DOT1L: variants seen among roughly 807,000 people sequenced by gnomAD.
DOT1L encodes the protein DOT1 like histone lysine methyltransferase, also known as histone-lysine N-methyltransferase, H3 lysine-79 specific.
In DOT1L, 33 loss-of-function variants were observed where a neutral mutation model predicts 153.3. That is an observed-to-expected ratio of 0.22 (90% CI 0.16 to 0.29). The LOEUF (loss-of-function observed/expected upper bound fraction) is 0.29, where lower values mean the gene tolerates loss of function less well. DOT1L is among the 10% of genes least tolerant of loss of function. DOT1L has a pLI of 1.00. For synonymous variants in DOT1L, 1,135 were observed against 965.1 expected, an observed-to-expected ratio of 1.18 and a Z score of -3.26; for missense variants, 1,847 against 2,119.9, an observed-to-expected ratio of 0.87 and a Z score of 2.53.
intron 8 of DOT1L, among the ~76,000 whole-genome samples, chr19:2,200,551 T>C (rs1423098961): frequency 6.6e-6 from 1 of 152,116 alleles, no homozygotes; most frequent in Non-Finnish European, 1.5e-5. Flanking sequence ...CACTCCAGCG[T>C]GTGCCAGGGA....
chr19:2,178,872 G>T (rs765240226), intron 1 of DOT1L, among the ~76,000 whole-genome samples: 1 of 152,178 alleles, frequency 6.6e-6, no homozygotes, highest in Non-Finnish European at 1.5e-5. Flanking sequence ...CCCCTAAAGT[G>T]GTTTTAGACT....
Position 2,217,641 on chromosome 19 carries a change from A to C in DOT1L, c.2545-131A>C. The C allele has an allele frequency of 7.6e-7, 1 of 1,310,056 alleles. No individual in the cohort carries two copies. Among genetic ancestry groups the C allele is most frequent in the Non-Finnish European group, 1.0e-6 (1 of 963,294 alleles). The allele number at this position is 1,310,056 out of a possible 1,614,324, so 81.2% of individuals were successfully genotyped here. A position where few individuals can be genotyped will look rare whatever the true frequency, so the allele number is the denominator to read the frequency against. ...CCAGGAGGGCCTGACTGCGTGGGGA[A>C]GGTTGCAGGGCCTTGGCAGCGTGGG... On this transcript the variant is annotated intron_variant, in intron 21 of 27. Transcript: ENST00000398665. The surrounding 1 kb of genome is among the most constrained non-coding windows in gnomAD (Gnocchi z 7.3).
In DOT1L at chr19:2,193,818, C is replaced by T; in HGVS notation, c.588+35C>T. ...TCTGAGGGCCAGGGTGTGTTGGAGG[C>T]AGGGGACCATCAGAGAAAGTGACGC... is the stretch of plus-strand genomic sequence containing the variant. On this transcript the variant is annotated intron_variant, in intron 6 of 27. Transcript: ENST00000398665. This position sits in a 1 kb window ranked among gnomAD's most constrained non-coding sequence, Gnocchi z 5.9. 2.5e-6 allele frequency: 4 copies of T among 1,601,610 alleles called. No individual in the cohort carries two copies. Among genetic ancestry groups the T allele is most frequent in the Non-Finnish European group, 3.4e-6 (4 of 1,171,880 alleles).
intron 3 of DOT1L, 52 bp downstream of exon 3, chr19:2,185,981 G>C (rs1304380449): frequency 6.4e-7 from 1 of 1,553,828 alleles, no homozygotes; most frequent in East Asian, 2.2e-5. Context: ...CTCGGCTCTT[G>C]GGGAGGACAG....
chr19:2,207,649 C>T lies in DOT1L; in HGVS notation c.932C>T (p.Ser311Phe). Residue 311 changes from serine to phenylalanine, a missense_variant, in exon 11 of 28, where the codon TCC (serine) becomes TTC (phenylalanine). Around this residue, in one of 8 missense-constraint regions of DOT1L, gnomAD observed 148 missense variants for 422.3 expected, o/e 0.35. Transcript: ENST00000398665. The surrounding 1 kb of genome is among the most constrained non-coding windows in gnomAD (Gnocchi z 4.5). Reference protein sequence around the residue: ...GSVSWTGKPVSYYLHTIDRTI... With the variant: ...GSVSWTGKPVFYYLHTIDRTI... ...GTGTCGTGGACGGGGAAGCCAGTCT[C>T]CTACTACCTGCACACTATCGACCGC... The T allele has an allele frequency of 6.2e-7, 1 of 1,613,038 alleles. No individual in the cohort carries two copies. Among genetic ancestry groups the T allele is most frequent in the Non-Finnish European group, 8.5e-7 (1 of 1,179,814 alleles).
At chr19:2,188,493 C>T (rs1047346926) in intron 3 of DOT1L, among the ~76,000 whole-genome samples, 1 of 133,452 alleles carries the variant, frequency 7.5e-6, no homozygotes, top group Non-Finnish European at 1.7e-5. Flanking sequence ...CCCCCCCCCC[C>T]CACCCGCACA....
intron 27 of DOT1L, chr19:2,227,906 CCCTCCGCCTCCG>C (rs766504104): frequency 2.0e-5 from 25 of 1,228,692 alleles, no homozygotes; most frequent in East Asian, 7.4e-5. Context: ...CCCGGCCGCC[CCCTCCGCCTCCG>C]CCTCCGCCTC....
chr19:2,211,830 G>A lies in DOT1L; in HGVS notation c.1545G>A (p.Leu515=), dbSNP rs1451239837. ...PQYKASLQEL[L]GQEKEKNAQL... is the part of the protein sequence containing the mutation. The stretch of plus-strand genomic sequence containing the variant: ...ACAAGGCCAGCCTGCAGGAGCTGCT[G>A]GGCCAGGAGAAGGTGGGTCCTGGCC... Residue 515 remains leucine (L), a synonymous_variant, in exon 16 of 28, where the codon CTG becomes CTA. Transcript: ENST00000398665. The A allele has an allele frequency of 3.2e-6, 5 of 1,568,132 alleles. No homozygotes were observed. In the South Asian group the frequency reaches 5.9e-5, roughly 18 times the overall value.
chr19:2,221,202 GT>G (rs1423345950), intron 23 of DOT1L: 5 of 153,112 alleles, frequency 3.3e-5, no homozygotes, highest in Non-Finnish European at 5.8e-5. Flanking sequence ...AACAAAACAA[GT>G]AAAATGTACA....
intron 1 of DOT1L, among the ~76,000 whole-genome samples, chr19:2,179,699 C>T (rs985251498): frequency 1.3e-5 from 2 of 152,036 alleles, no homozygotes; most frequent in Admixed American, 6.6e-5. Flanking sequence ...CCCAGCTACT[C>T]GGGAGGCTGA....
At chr19:2,203,218 G>A (rs1214876380) in intron 9 of DOT1L, among the ~76,000 whole-genome samples, 2 of 152,198 alleles carry the variant, frequency 1.3e-5, no homozygotes, top group Non-Finnish European at 2.9e-5. Flanking sequence ...TTCTGCCTCA[G>A]CCTCCCAAGT....
rs573200020 is a variant in DOT1L at position 2,227,958 on chromosome 19, C to T, written c.4606+831C>T. 1.4e-4 allele frequency: 180 copies of T among 1,243,910 alleles called. 1 individual carries two copies. In the African/African-American group the frequency reaches 2.6e-3, roughly 18 times the overall value. The allele number at this position is 1,243,910 out of a possible 1,614,324, so 77.1% of individuals were successfully genotyped here. On this transcript the variant is annotated intron_variant, in intron 27 of 27. Coordinates refer to ENST00000398665, the MANE Select transcript of DOT1L (RefSeq NM_032482.3). The stretch of plus-strand genomic sequence containing the variant: ...GCTGCCCCCGCCTGCGCACCTGGGC[C>T]GGTCCCCCGCGGGGCCGCCCGTCCT...
chr19:2,186,002 C>G, intron 3 of DOT1L, 73 bp downstream of exon 3: 1 of 1,414,756 alleles, frequency 7.1e-7, no homozygotes, highest in South Asian at 1.2e-5. Context: ...GAGGACGCAT[C>G]CTATAATTAG....
At chr19:2,195,806 T>C (rs535049162) in intron 7 of DOT1L, among the ~76,000 whole-genome samples, 1 of 152,330 alleles carries the variant, frequency 6.6e-6, no homozygotes, top group Non-Finnish European at 1.5e-5. Context: ...ACCCAGTTCC[T>C]GGGTGGAATC....
rs748680094 is a variant in DOT1L at position 2,210,678 on chromosome 19, T to G, written c.1174T>G (p.Ser392Ala). 2.5e-6 allele frequency: 4 copies of G among 1,612,754 alleles called. No individual in the cohort carries two copies. The highest frequency in any genetic ancestry group is 2.2e-5 in the South Asian group (2 of 91,060). ...AGCCACCGTGAAGAAGCCGTCTCCC[T>G]CCAAAGCCCGCAAGAAGAAGCTAAA... Reference protein sequence around the residue: ...GAATVKKPSPSKARKKKLNKK... With the variant: ...GAATVKKPSPAKARKKKLNKK... The change falls in exon 14 of 28, where the codon TCC (serine) becomes GCC (alanine). Residue 392 changes from serine to alanine, a missense_variant. Around this residue, in one of 8 missense-constraint regions of DOT1L, gnomAD observed 205 missense variants for 203.1 expected, o/e 1.01. Transcript: ENST00000398665.
chr19:2,212,011 G>A (rs1303457575), intron 16 of DOT1L, 169 bp downstream of exon 16: 4 of 617,602 alleles, frequency 6.5e-6, no homozygotes, highest in Admixed American at 3.2e-5. Flanking sequence ...CCCAAAGAAT[G>A]GACTGAGAGA....
At chr19:2,174,958 A>ATGTGTGTG (rs71337121) in intron 1 of DOT1L, among the ~76,000 whole-genome samples, 1,427 of 129,992 alleles carry the variant, frequency 0.011, 18 homozygotes, top group Admixed American at 0.014. Context: ...TTTTAAATAT[A>ATGTGTGTG]TGTGTGTGTG....
chr19:2,167,899 C>T (rs1340858693), intron 1 of DOT1L, among the ~76,000 whole-genome samples: 1 of 152,024 alleles, frequency 6.6e-6, no homozygotes, highest in East Asian at 1.9e-4. Flanking sequence ...CCATGCCTGG[C>T]TTATTTTGTA....
At chr19:2,172,052 T>C (rs2144662294) in intron 1 of DOT1L, among the ~76,000 whole-genome samples, 1 of 152,274 alleles carries the variant, frequency 6.6e-6, no homozygotes, top group Admixed American at 6.5e-5. Flanking sequence ...TCAGCTAGTG[T>C]GGAAACCCCA....
Sources: allele counts gnomAD v4.1 joint callset (sites outside exome capture counted in the v4.1 genomes callset), GRCh38; gene constraint gnomAD v4.1.1; regional missense constraint gnomAD v4.1.1; non-coding constraint Gnocchi (gnomAD v3.1); transcripts MANE v1.5; gene names NCBI Gene and HGNC (gene_info 2026-07-23, HGNC 2026-07-21).